Variants in DDX60 observed in about 807,000 individuals in gnomAD.
DDX60 encodes the protein DExD/H-box helicase 60.
In DDX60, 165 loss-of-function variants were observed where a neutral mutation model predicts 212.8. The ratio of observed to expected loss-of-function variants is 0.78; its 90% CI spans 0.68 to 0.88. DDX60 has a LOEUF of 0.88. Ranked by LOEUF, DDX60 falls within the 40% of genes least tolerant of loss-of-function variation. The probability of loss-of-function intolerance (pLI) is 0.00; values close to 1 mark genes in which losing one functional copy is unlikely to be tolerated. For missense variants in DDX60, 1,905 were observed against 2,003.9 expected (o/e 0.95, Z 0.94); for synonymous variants, 703 against 685.3 (o/e 1.03, Z -0.40).
chr4:168,269,852 T>A (rs1043530297), intron 19 of DDX60, among the ~76,000 whole-genome samples: 5 of 152,146 alleles, frequency 3.3e-5, no homozygotes, highest in African/African-American at 1.2e-4. Context: ...CTTTCACGTA[T>A]ATTATTCCCT....
At chr4:168,275,188 T>C (rs1172569422) in intron 16 of DDX60, among the ~76,000 whole-genome samples, 157 bp downstream of exon 16, 1 of 152,132 alleles carries the variant, frequency 6.6e-6, no homozygotes, top group Non-Finnish European at 1.5e-5. Flanking sequence ...TTTCTTTAAA[T>C]GGGGAAAAAA....
chr4:168,315,675 T>C (rs1737336865), intron 1 of DDX60, among the ~76,000 whole-genome samples: 1 of 152,120 alleles, frequency 6.6e-6, no homozygotes, highest in South Asian at 2.1e-4. Context: ...GAACATGTGG[T>C]GTTTGGTTTT....
intron 3 of DDX60, 132 bp downstream of exon 3, chr4:168,310,866 G>T: frequency 4.2e-6 from 2 of 472,354 alleles, no homozygotes. Flanking sequence ...ATTCTCAACT[G>T]CATAGTTGTT....
At chr4:168,251,371 G>A (rs968916098) in intron 27 of DDX60, among the ~76,000 whole-genome samples, 3 of 152,210 alleles carry the variant, frequency 2.0e-5, no homozygotes, top group African/African-American at 7.2e-5. Context: ...AAAACACCAA[G>A]TGGTGGTGAG....
chr4:168,273,458 G>C, intron 17 of DDX60, 60 bp from the exon 18 acceptor site: 1 of 1,599,430 alleles, frequency 6.3e-7, no homozygotes, highest in Non-Finnish European at 8.5e-7. Context: ...AATATCAGAG[G>C]ACAACAAGAA....
intron 33 of DDX60, among the ~76,000 whole-genome samples, chr4:168,232,115 T>C (rs1038885859): frequency 2.6e-5 from 4 of 151,898 alleles, no homozygotes; most frequent in African/African-American, 9.7e-5. Context: ...CCTTTTACAA[T>C]AGCTGCAAAT....
At chr4:168,267,493 C>T (rs1734897677) in intron 22 of DDX60, 89 bp downstream of exon 22, 3 of 525,108 alleles carry the variant, frequency 5.7e-6, no homozygotes, top group South Asian at 1.4e-4. Context: ...TTCTATAATT[C>T]TGATACATAT....
chr4:168,314,356 T>C (rs1360593471), intron 1 of DDX60, among the ~76,000 whole-genome samples: 1 of 151,612 alleles, frequency 6.6e-6, no homozygotes, highest in East Asian at 1.9e-4. Flanking sequence ...TTAGTACCAA[T>C]AGACATTTGA....
At chr4:168,253,834 A>G (rs1734308880) in intron 26 of DDX60, among the ~76,000 whole-genome samples, 1 of 152,148 alleles carries the variant, frequency 6.6e-6, no homozygotes, top group African/African-American at 2.4e-5. Context: ...GTATCATCAT[A>G]CTGTGTTGTC....
chr4:168,226,375 A>G (rs1287601527), intron 33 of DDX60, among the ~76,000 whole-genome samples: 3 of 152,048 alleles, frequency 2.0e-5, no homozygotes, highest in South Asian at 4.1e-4. Context: ...TGGAGTCCTC[A>G]TAACTGGAAT....
At chr4:168,277,682 G>A (rs578250928) in intron 14 of DDX60, among the ~76,000 whole-genome samples, 3 of 151,832 alleles carry the variant, frequency 2.0e-5, no homozygotes, top group South Asian at 2.1e-4. Flanking sequence ...GGTGGTGGGC[G>A]CCTGTAGTCC....
At chr4:168,233,713 A>C (rs548831853) in intron 33 of DDX60, among the ~76,000 whole-genome samples, 5 of 152,160 alleles carry the variant, frequency 3.3e-5, no homozygotes, top group Non-Finnish European at 7.4e-5. Flanking sequence ...CCATAGGAAA[A>C]GGTGTGAGGG....
intron 37 of DDX60, among the ~76,000 whole-genome samples, chr4:168,218,700 CAT>C (rs1159441124): frequency 2.6e-5 from 4 of 152,134 alleles, no homozygotes; most frequent in Admixed American, 1.3e-4. Flanking sequence ...CATCTTCCCC[CAT>C]CTCTGTCAAA....
At chr4:168,237,483 C>T in intron 31 of DDX60, 56 bp from the exon 32 acceptor site, 2 of 1,470,280 alleles carry the variant, frequency 1.4e-6, no homozygotes, top group South Asian at 3.0e-5. Context: ...TAATAAGTAA[C>T]TTATTAAGTA....
rs777568815 is a variant in DDX60 at position 168,272,009 on chromosome 4, A to G, written c.2670+34T>C. 5 of 1,456,738 alleles carry G rather than the reference A, an allele frequency of 3.4e-6. No homozygotes were observed. The African/African-American group carries it at 7.0e-5, about 20-fold the overall frequency. 90.2% of individuals were successfully genotyped at this position (1,456,738 alleles called of 1,614,324 possible). On this transcript the variant is annotated intron_variant, in intron 19 of 37. Coordinates refer to ENST00000393743, the MANE Select transcript of DDX60 (RefSeq NM_017631.6). ...CTTCATTGCTATGCAAGTGTGCACT[A>G]GGGAATTAAGCAAAGAAAGAACACC...
In DDX60 at chr4:168,285,488, A is replaced by G. The variant is rs751923894; in HGVS notation, c.1350T>C (p.Asn450=). The G allele has an allele frequency of 6.2e-7, 1 of 1,608,446 alleles. No individual in the cohort carries two copies. Among genetic ancestry groups the G allele is most frequent in the Non-Finnish European group, 8.5e-7 (1 of 1,177,684 alleles). Residue 450 remains asparagine, a synonymous_variant, in exon 11 of 38, where the codon AAT becomes AAC. Transcript: ENST00000393743. ...TAAAACCCAAATTGGGCACCATTTC[A>G]TTGGAGCTGTCTGTAAACAAACAAA... The part of the protein sequence containing the change: ...KKPSPIKDSS[N]EMVPNLGFIP...
chr4:168,236,156 C>A (rs1733623343), intron 33 of DDX60, 96 bp downstream of exon 33: 1 of 1,153,950 alleles, frequency 8.7e-7, no homozygotes, highest in Non-Finnish European at 1.2e-6. Context: ...AATGAACTGC[C>A]CTTTGAATTA....
chr4:168,323,913 G>A, the DDX60 span, among the ~76,000 whole-genome samples: 1 of 151,044 alleles, frequency 6.6e-6, no homozygotes, highest in Non-Finnish European at 1.5e-5. Context: ...GTTAAAGGAT[G>A]GAAAGTCGCC....
chr4:168,308,677 T>C (rs1736997954), intron 3 of DDX60, among the ~76,000 whole-genome samples: 1 of 148,412 alleles, frequency 6.7e-6, no homozygotes. Flanking sequence ...TATATAATAT[T>C]CTATACTATA....
Sources: allele counts gnomAD v4.1 joint callset (sites outside exome capture counted in the v4.1 genomes callset), GRCh38; gene constraint gnomAD v4.1.1; transcripts MANE v1.5; gene names NCBI Gene and HGNC (gene_info 2026-07-23, HGNC 2026-07-21).